Variants in CDH12 observed in about 807,000 individuals in gnomAD.
CDH12 encodes cadherin-12.
Under a neutral mutation model 74.1 loss-of-function variants are expected in CDH12, and 41 were observed. The ratio of observed to expected loss-of-function variants is 0.55; its 90% CI spans 0.43 to 0.72. The LOEUF (loss-of-function observed/expected upper bound fraction) is 0.72. CDH12 is among the 30% of genes least tolerant of loss of function. The pLI is 0.00. For synonymous variants in CDH12, 399 were observed against 355.0 expected, an observed-to-expected ratio of 1.12 and a Z score of -1.39; for missense variants, 945 against 977.2, an observed-to-expected ratio of 0.97 and a Z score of 0.44.
At chr5:22,406,912 T>C (rs1742963566) in intron 2 of CDH12, among the ~76,000 whole-genome samples, 1 of 152,018 alleles carries the variant, frequency 6.6e-6, no homozygotes, top group Admixed American at 6.6e-5. Context: ...AAGCAACATA[T>C]TTATACAAAT....
chr5:22,114,280 C>T (rs938902751), intron 4 of CDH12, among the ~76,000 whole-genome samples: 2 of 151,992 alleles, frequency 1.3e-5, no homozygotes. Flanking sequence ...GCCATTGAAA[C>T]CTTCTTTTAT....
In CDH12 at chr5:22,666,282, C is replaced by CTTTTTTTTTTTT. The variant is rs1161509257; in HGVS notation, c.-522-160930_-522-160919dup. On this transcript the variant is annotated intron_variant, in intron 1 of 14. Transcript: ENST00000382254. ...TTATGGGATTTCTGTATCTCTCTAT[C>CTTTTTTTTTTTT]TTTTTTTTTTTTTTTTTTTGTTTTT... Among the ~76,000 whole-genome samples, 147 of 83,532 alleles carry CTTTTTTTTTTTT rather than the reference C, an allele frequency of 1.8e-3. 7 individuals are homozygous for CTTTTTTTTTTTT. Among genetic ancestry groups the CTTTTTTTTTTTT allele is most frequent in the African/African-American group, 4.9e-3 (104 of 21,158 alleles). The allele number at this position is 83,532 out of a possible 152,430, so 54.8% of individuals were successfully genotyped here.
At chr5:22,565,899 A>G (rs921946461) in intron 1 of CDH12, among the ~76,000 whole-genome samples, 2 of 152,196 alleles carry the variant, frequency 1.3e-5, no homozygotes, top group African/African-American at 4.8e-5. Flanking sequence ...CTATGAAGCC[A>G]TAAGAAGTAA....
chr5:21,894,993 C>T (rs1753056888), intron 6 of CDH12, among the ~76,000 whole-genome samples: 1 of 144,376 alleles, frequency 6.9e-6, no homozygotes, highest in African/African-American at 2.5e-5. Context: ...ACTTTTGCAC[C>T]AACTAATACG....
intron 6 of CDH12, among the ~76,000 whole-genome samples, chr5:21,961,201 G>A (rs2963644): frequency 5.1e-4 from 77 of 151,904 alleles, no homozygotes; most frequent in Non-Finnish European, 8.2e-4. Context: ...TTTTTACTTC[G>A]TGCATTTTGA....
At chr5:22,729,668 C>T (rs1326421470) in intron 1 of CDH12, among the ~76,000 whole-genome samples, 1 of 151,840 alleles carries the variant, frequency 6.6e-6, no homozygotes, top group East Asian at 1.9e-4. Flanking sequence ...AGACTGAATA[C>T]TTATTCTGTC....
intron 1 of CDH12, among the ~76,000 whole-genome samples, chr5:22,543,799 C>T (rs1738201099): frequency 6.6e-6 from 1 of 152,110 alleles, no homozygotes; most frequent in Non-Finnish European, 1.5e-5. Flanking sequence ...GCCTTTGGTC[C>T]CAAGACACTT....
intron 10 of CDH12, among the ~76,000 whole-genome samples, chr5:21,796,643 A>AT (rs1407776073): frequency 6.6e-6 from 1 of 151,920 alleles, no homozygotes; most frequent in Non-Finnish European, 1.5e-5. Context: ...TAAATAATCT[A>AT]TTTTTTTAAT....
intron 2 of CDH12, among the ~76,000 whole-genome samples, chr5:22,464,286 G>A (rs1382149244): frequency 6.6e-6 from 1 of 152,114 alleles, no homozygotes; most frequent in African/African-American, 2.4e-5. Context: ...AAATTGCCCA[G>A]TCTCAGGTAT....
intron 6 of CDH12, among the ~76,000 whole-genome samples, chr5:21,951,440 G>A (rs1036541444): frequency 6.6e-5 from 10 of 152,008 alleles, no homozygotes; most frequent in African/African-American, 2.2e-4. Flanking sequence ...TAGAGACAGG[G>A]TTTCACCATA....
intron 6 of CDH12, among the ~76,000 whole-genome samples, chr5:21,961,545 T>G (rs944596805): frequency 4.6e-5 from 7 of 152,178 alleles, no homozygotes; most frequent in African/African-American, 1.7e-4. Context: ...GGATGCGACC[T>G]TATTTAAAGA....
chr5:22,446,477 G>A (rs114963207), intron 2 of CDH12, among the ~76,000 whole-genome samples: 104 of 152,170 alleles, frequency 6.8e-4, no homozygotes, highest in Non-Finnish European at 1.3e-3. Context: ...TCTTCCACCT[G>A]AAAAATCTCT....
At chr5:22,267,378 A>G (rs1425386609) in intron 3 of CDH12, among the ~76,000 whole-genome samples, 2 of 152,160 alleles carry the variant, frequency 1.3e-5, no homozygotes, top group Non-Finnish European at 2.9e-5. Context: ...TAGGATAAAC[A>G]TTTATGATTA....
intron 1 of CDH12, among the ~76,000 whole-genome samples, chr5:22,530,094 A>C (rs1737521231): frequency 2.0e-5 from 3 of 152,318 alleles, no homozygotes; most frequent in Admixed American, 6.5e-5. Context: ...CGATAGTATT[A>C]AGTTAAAGAT....
chr5:22,250,224 A>G (rs973498782), intron 3 of CDH12, among the ~76,000 whole-genome samples: 1 of 152,066 alleles, frequency 6.6e-6, no homozygotes, highest in Non-Finnish European at 1.5e-5. Context: ...CTGTGCAAGG[A>G]AAAAAACCCA....
At chr5:21,915,998 T>A (rs533643995) in intron 6 of CDH12, among the ~76,000 whole-genome samples, 1 of 152,314 alleles carries the variant, frequency 6.6e-6, no homozygotes, top group African/African-American at 2.4e-5. Context: ...TGTGTCATAC[T>A]GCTTCATAAT....
chr5:22,566,682 G>A (rs374649372), intron 1 of CDH12, among the ~76,000 whole-genome samples: 3 of 152,080 alleles, frequency 2.0e-5, no homozygotes, highest in South Asian at 2.1e-4. Flanking sequence ...GCTGGTTAGC[G>A]TCCGGAATTG....
Position 21,984,224 on chromosome 5 carries a change from C to T in CDH12, c.232-8839G>A, listed in dbSNP as rs1266789764. ...ATCATTTCTTCTACTTTCAGATATT[C>T]GGTTGGGGGTGTTCTAAGCACAATG... On this transcript the variant is annotated intron_variant, in intron 5 of 14. Transcript: ENST00000382254. Among the ~76,000 whole-genome samples, 19 of 152,196 alleles carry T rather than the reference C, an allele frequency of 1.2e-4. No individual in the cohort carries two copies. In the South Asian group the frequency reaches 2.1e-3, roughly 17 times the overall value.
intron 4 of CDH12, among the ~76,000 whole-genome samples, chr5:22,202,679 G>A (rs1750992687): frequency 6.6e-6 from 1 of 152,036 alleles, no homozygotes; most frequent in Non-Finnish European, 1.5e-5. Context: ...TAGCAGATAT[G>A]GCCATCCATA....
Sources: allele counts gnomAD v4.1 joint callset (sites outside exome capture counted in the v4.1 genomes callset), GRCh38; gene constraint gnomAD v4.1.1; transcripts MANE v1.5; gene names NCBI Gene and HGNC (gene_info 2026-07-23, HGNC 2026-07-21).